The following TTLL10 variants were observed in gnomAD, a reference collection of about 807,000 sequenced individuals.
TTLL10 encodes the protein inactive polyglycylase TTLL10.
Under a neutral mutation model 69.0 loss-of-function variants are expected in TTLL10, and 61 were observed. The observed-to-expected ratio is 0.88, with a 90% CI of 0.72 to 1.09. TTLL10 has a LOEUF of 1.09. Ranked by LOEUF, TTLL10 falls within the 50% of genes least tolerant of loss-of-function variation. TTLL10 has a pLI of 0.00. For synonymous variants in TTLL10, 408 were observed against 393.3 expected (o/e 1.04, Z -0.44); for missense variants, 962 against 945.9 (o/e 1.02, Z -0.22).
In TTLL10 at chr1:1,185,706, C is replaced by T. The variant is rs528322281; in HGVS notation, c.1401+597C>T. On this transcript the variant is annotated intron_variant, in intron 13 of 15. Coordinates refer to ENST00000379289, the MANE Select transcript of TTLL10 (RefSeq NM_001130045.2). The surrounding 1 kb of genome is among the most constrained non-coding windows in gnomAD (Gnocchi z 6.1). ...TGTCTTGGTCACCCCGGCCAGGCCC[C>T]GGAAGCAGCAGCCAGGGATGGTCCT... The T allele has an allele frequency of 4.1e-5, 40 of 985,506 alleles. No individual in the cohort carries two copies. Among genetic ancestry groups the T allele is most frequent in the South Asian group, 3.8e-4 (8 of 21,300 alleles). 61.0% of individuals were successfully genotyped at this position (985,506 alleles called of 1,614,324 possible).
At chr1:1,190,421 T>C (rs973805004) in intron 13 of TTLL10, among the ~76,000 whole-genome samples, 6 of 150,150 alleles carry the variant, frequency 4.0e-5, no homozygotes, top group Admixed American at 6.9e-5. Flanking sequence ...AGTTTGCTCT[T>C]CTTTTACTAA....
rs185313675 is a variant in TTLL10 at position 1,182,463 on chromosome 1, C to T, written c.916+17C>T. On this transcript the variant is annotated intron_variant, in intron 10 of 15. Transcript: ENST00000379289. ...TGTTTGATGGTGAGACGCTGCTGGC[C>T]GGACACCAGGCTGGCCCTGGGGAGA... 21 of 1,613,040 alleles carry T rather than the reference C, an allele frequency of 1.3e-5. No individual in the cohort carries two copies. Among genetic ancestry groups the T allele is most frequent in the South Asian group, 7.7e-5 (7 of 91,054 alleles).
chr1:1,186,832 T>A (rs1463494597), intron 13 of TTLL10, among the ~76,000 whole-genome samples: 1 of 149,558 alleles, frequency 6.7e-6, no homozygotes, highest in Non-Finnish European at 1.5e-5. Flanking sequence ...TTGTGAAAGT[T>A]TTTTTTGTTT....
At position 1,197,596 on chromosome 1, in the gene TTLL10, C is replaced by A. The variant is rs566673651; in HGVS notation, c.1771C>A (p.Arg591Ser). ...SLRRWPPLPT[R>S]QAKSSGPPMP... is the part of the protein sequence containing the mutation. ...CCGCCGCTGGCCGCCCCTGCCCACCCGCCAGGCCAAGTCCTCCGGGCCACC... is the reference window on the plus strand; with the variant it reads ...CCGCCGCTGGCCGCCCCTGCCCACCAGCCAGGCCAAGTCCTCCGGGCCACC... Residue 591 changes from arginine (R) to serine (S), a missense_variant, in exon 16 of 16, where the codon CGC becomes AGC. Arg to Ser is a moderately radical substitution (Grantham distance 110). Transcript: ENST00000379289. The A allele has an allele frequency of 4.4e-5, 67 of 1,513,454 alleles. No individual in the cohort carries two copies. Among genetic ancestry groups the A allele is most frequent in the Non-Finnish European group, 5.5e-5 (62 of 1,137,032 alleles). 93.8% of individuals were successfully genotyped at this position (1,513,454 alleles called of 1,614,324 possible).
Position 1,197,189 on chromosome 1 carries a change from G to C in TTLL10, c.1612+3G>C. ...AGGTGTGGTCATCGAGACCCTGGGT[G>C]AGCCTCCAAGCCCCCACCCCACACC... On this transcript the variant is annotated splice_donor_region_variant and intron_variant, in intron 15 of 15. Transcript: ENST00000379289. The C allele has an allele frequency of 3.2e-6, 5 of 1,549,140 alleles. No individual in the cohort carries two copies. The highest frequency in any genetic ancestry group is 1.7e-6 in the Non-Finnish European group (2 of 1,146,360).
chr1:1,174,119 G>C (rs2100831317), intron 1 of TTLL10, 166 bp from the exon 2 acceptor site: 1 of 152,296 alleles, frequency 6.6e-6, no homozygotes, highest in Middle Eastern at 3.4e-3. Flanking sequence ...CACCGTGCGA[G>C]AGGCTCGGGT....
chr1:1,176,405 C>T (rs1254454111), intron 3 of TTLL10: 5 of 455,296 alleles, frequency 1.1e-5, no homozygotes, highest in Non-Finnish European at 2.2e-5. Context: ...GGCTGGGGCA[C>T]ACAGTCATCA....
intron 4 of TTLL10, 87 bp downstream of exon 4, chr1:1,179,420 C>T (rs545062696): frequency 1.9e-5 from 26 of 1,361,612 alleles, no homozygotes; most frequent in East Asian, 2.5e-5. Context: ...GGAAGTCAGT[C>T]GGCCTCATGG....
chr1:1,180,959 C>A, intron 8 of TTLL10, 99 bp downstream of exon 8: 1 of 1,189,940 alleles, frequency 8.4e-7, no homozygotes, highest in South Asian at 1.7e-5. Context: ...CCTGCGCCCG[C>A]CCCTGCCCTT....
At chr1:1,177,044 CTGTGTGTGTGGGTGTCTGTG>C (rs370192938) in intron 3 of TTLL10, among the ~76,000 whole-genome samples, 2,563 of 150,830 alleles carry the variant, frequency 0.017, 72 homozygotes, top group African/African-American at 0.057. Context: ...GTGTCAGCGT[CTGTGTGTGTGGGTGTCTGTG>C]TGTGTGTGTG....
Position 1,197,665 on chromosome 1 carries a change from C to T in TTLL10, c.1840C>T (p.Pro614Ser), listed in dbSNP as rs1256695382. 3.9e-5 allele frequency: 59 copies of T among 1,501,966 alleles called. No individual in the cohort carries two copies. In the African/African-American group the frequency reaches 8.6e-4, roughly 22 times the overall value. The allele number at this position is 1,501,966 out of a possible 1,614,324, so 93.0% of individuals were successfully genotyped here. A position where few individuals can be genotyped will look rare whatever the true frequency, so the allele number is the denominator to read the frequency against. The change falls in exon 16 of 16, where the codon CCA becomes TCA. Residue 614 changes from proline (P) to serine (S), a missense_variant. Transcript: ENST00000379289. ...CCAGCCGGGCGCCCGCAGGCCTGCG[C>T]CACCTCCCTTGGTGCCGCAGCGTCC... Reference protein sequence around the residue: ...PDQPGARRPAPPPLVPQRPRP... With the variant: ...PDQPGARRPASPPLVPQRPRP...
intron 4 of TTLL10, 130 bp from the exon 5 acceptor site, chr1:1,179,527 C>T (rs1646976261): frequency 5.5e-6 from 8 of 1,445,022 alleles, no homozygotes; most frequent in Middle Eastern, 3.9e-4. Context: ...GGAGCTGTCG[C>T]GCTCCGCGGC....
intron 13 of TTLL10, among the ~76,000 whole-genome samples, chr1:1,195,961 A>T (rs556848144): frequency 6.6e-6 from 1 of 150,392 alleles, no homozygotes; most frequent in East Asian, 2.0e-4. Flanking sequence ...TTTCTAGTAG[A>T]GATGGGGTCT....
Position 1,181,845 on chromosome 1 carries a change from T to C in TTLL10, c.830+30T>C, listed in dbSNP as rs1177271255. ...ACTCAGCCCAGCTGTGAGGGGCCCTTCAGACCGAAGTTCAGACCTAAACCT... is the reference window on the plus strand; with the variant it reads ...ACTCAGCCCAGCTGTGAGGGGCCCTCCAGACCGAAGTTCAGACCTAAACCT... On this transcript the variant is annotated intron_variant, in intron 9 of 15. Transcript: ENST00000379289. This position sits in a 1 kb window ranked among gnomAD's most constrained non-coding sequence, Gnocchi z 4.6. 6.3e-7 allele frequency: 1 copy of C among 1,579,918 alleles called. No homozygotes were observed. Among genetic ancestry groups the C allele is most frequent in the Admixed American group, 1.8e-5 (1 of 54,726 alleles).
chr1:1,197,184 T>C lies in TTLL10; in HGVS notation c.1610T>C (p.Leu537Pro). The C allele has an allele frequency of 6.5e-7, 1 of 1,549,314 alleles. No homozygotes were observed. Among genetic ancestry groups the C allele is most frequent in the Non-Finnish European group, 8.7e-7 (1 of 1,146,558 alleles). The change falls in exon 15 of 16, where the codon CTG becomes CCG. Residue 537 changes from leucine to proline, a missense_variant and splice_region_variant. Leu to Pro is a moderately conservative substitution (Grantham distance 98). Transcript: ENST00000379289. ...ATCCCAGGTGTGGTCATCGAGACCC[T>C]GGGTGAGCCTCCAAGCCCCCACCCC... ...EVIPGVVIET[L>P]DLVLETFRKS...
intron 4 of TTLL10, 88 bp from the exon 5 acceptor site, chr1:1,179,569 G>A: frequency 1.3e-6 from 2 of 1,532,450 alleles, no homozygotes; most frequent in Middle Eastern, 1.7e-4. Flanking sequence ...ACCACCCCTG[G>A]AAGGGCAGCC....
intron 13 of TTLL10, among the ~76,000 whole-genome samples, chr1:1,193,850 T>C (rs138058598): frequency 1.5e-3 from 236 of 152,316 alleles, no homozygotes; most frequent in Non-Finnish European, 2.9e-3. Context: ...TTACCATTAA[T>C]ATTGTATCTT....
Position 1,183,011 on chromosome 1 carries a change from CG to C in TTLL10, c.1053del (p.Pro352ArgfsTer40). ...GAGGACGACCCCATCCACCACAAGACGCCGTTCCGGGGGCCTCAGGCGCGGG... is the reference window on the plus strand; with the variant it reads ...GAGGACGACCCCATCCACCACAAGACCCGTTCCGGGGGCCTCAGGCGCGGG... ...SMEDDPIHHK[T>X]PFRGPQARVV... is the part of the protein sequence containing the mutation. On this transcript the variant is annotated frameshift_variant, in exon 11 of 16. Coordinates refer to ENST00000379289, the MANE Select transcript of TTLL10 (RefSeq NM_001130045.2). LOFTEE classifies it high-confidence loss of function. 2 of 1,609,550 alleles carry C rather than the reference CG, an allele frequency of 1.2e-6. No individual in the cohort carries two copies. Among genetic ancestry groups the C allele is most frequent in the Non-Finnish European group, 1.7e-6 (2 of 1,178,420 alleles).
intron 10 of TTLL10, 38 bp downstream of exon 10, chr1:1,182,484 G>A (rs2100876812): frequency 1.2e-6 from 2 of 1,605,816 alleles, no homozygotes; most frequent in Non-Finnish European, 1.7e-6. Context: ...CTGGCCCTGG[G>A]GAGACAGGGT....
Sources: allele counts gnomAD v4.1 joint callset (sites outside exome capture counted in the v4.1 genomes callset), GRCh38; gene constraint gnomAD v4.1.1; non-coding constraint Gnocchi (gnomAD v3.1); transcripts MANE v1.5; gene names NCBI Gene and HGNC (gene_info 2026-07-23, HGNC 2026-07-21).